Variants in DLGAP1 observed in about 807,000 individuals in gnomAD.
The protein encoded by DLGAP1 is disks large-associated protein 1.
A neutral mutation model predicts 90.8 loss-of-function variants in DLGAP1; 11 were observed. The observed-to-expected ratio is 0.12, with a 90% CI of 0.08 to 0.20. The LOEUF (loss-of-function observed/expected upper bound fraction) is 0.20, where lower values mean the gene tolerates loss of function less well. Among genes scored for constraint, DLGAP1 ranks in the 10% least tolerant of loss-of-function variants. The pLI is 1.00. For missense variants in DLGAP1, 1,050 were observed against 1,333.8 expected (o/e 0.79, Z 3.31); for synonymous variants, 558 against 540.7 (o/e 1.03, Z -0.44).
intron 7 of DLGAP1, among the ~76,000 whole-genome samples, chr18:3,693,405 A>G (rs1002827682): frequency 2.0e-5 from 3 of 152,294 alleles, no homozygotes; most frequent in South Asian, 2.1e-4. Context: ...CACAAACTAC[A>G]TCTTCTAACA....
intron 7 of DLGAP1, among the ~76,000 whole-genome samples, chr18:3,657,763 C>T (rs796499491): frequency 4.6e-5 from 7 of 152,020 alleles, no homozygotes; most frequent in East Asian, 1.9e-4. Context: ...CCACCGCACC[C>T]GGCTAATTTT....
intron 9 of DLGAP1, among the ~76,000 whole-genome samples, chr18:3,543,321 C>A (rs1350180217): frequency 6.6e-6 from 1 of 152,144 alleles, no homozygotes; most frequent in Non-Finnish European, 1.5e-5. Flanking sequence ...CAGGCGCCCA[C>A]CACCACGCCT....
chr18:3,994,096 G>A (rs1367047856), intron 3 of DLGAP1, among the ~76,000 whole-genome samples: 1 of 152,088 alleles, frequency 6.6e-6, no homozygotes, highest in East Asian at 1.9e-4. Flanking sequence ...AGTGGCCTGT[G>A]ACCCTCCCTT....
intron 2 of DLGAP1, among the ~76,000 whole-genome samples, chr18:4,022,697 A>T (rs2074634792): frequency 6.6e-6 from 1 of 152,196 alleles, no homozygotes; most frequent in Non-Finnish European, 1.5e-5. Context: ...TGTGGAGGGT[A>T]TATTTAGCAG....
intron 1 of DLGAP1, among the ~76,000 whole-genome samples, chr18:4,242,599 T>G (rs369366595): frequency 1.3e-5 from 2 of 152,072 alleles, no homozygotes; most frequent in South Asian, 2.1e-4. Context: ...TCAGAAACAT[T>G]TGCACACCTG....
chr18:4,093,582 T>TA (rs2075623203), intron 2 of DLGAP1, among the ~76,000 whole-genome samples: 1 of 101,624 alleles, frequency 9.8e-6, no homozygotes, highest in Non-Finnish European at 2.3e-5. Context: ...TAAACATTAA[T>TA]CAAAAAAAAA....
At chr18:3,606,874 G>C (rs2057350272) in intron 7 of DLGAP1, 1 of 151,624 alleles carries the variant, frequency 6.6e-6, no homozygotes, top group Non-Finnish European at 1.5e-5. Context: ...TTTCGGTCTT[G>C]TTTCCCAGGC....
chr18:3,613,777 A>G (rs1467688780), intron 7 of DLGAP1, among the ~76,000 whole-genome samples: 1 of 152,170 alleles, frequency 6.6e-6, no homozygotes, highest in Non-Finnish European at 1.5e-5. Context: ...GCTTCATTTT[A>G]TTACCATCTG....
intron 4 of DLGAP1, among the ~76,000 whole-genome samples, chr18:3,828,714 C>T (rs1318543890): frequency 6.8e-6 from 1 of 147,862 alleles, no homozygotes; most frequent in Non-Finnish European, 1.5e-5. Context: ...CAAGAACAAT[C>T]CCATCTTTTT....
intron 4 of DLGAP1, among the ~76,000 whole-genome samples, chr18:3,852,901 T>C (rs972933272): frequency 3.3e-5 from 5 of 152,078 alleles, no homozygotes; most frequent in African/African-American, 1.2e-4. Flanking sequence ...TTTTTAAGTT[T>C]ATTAAGAATT....
chr18:3,975,424 T>G (rs147225715), intron 3 of DLGAP1, among the ~76,000 whole-genome samples: 28 of 152,272 alleles, frequency 1.8e-4, no homozygotes, highest in African/African-American at 6.5e-4. Flanking sequence ...CCTGTTAGGA[T>G]GGTTATTATT....
chr18:4,304,629 C>T (rs1462055679), intron 1 of DLGAP1, among the ~76,000 whole-genome samples: 3 of 152,162 alleles, frequency 2.0e-5, no homozygotes, highest in Non-Finnish European at 1.5e-5. Context: ...TAAAATAATA[C>T]TAACTAAAAT....
chr18:4,033,200 A>T (rs7244451), intron 2 of DLGAP1, among the ~76,000 whole-genome samples: 56,187 of 151,832 alleles, frequency 0.37, 11,581 homozygotes, highest in Non-Finnish European at 0.48. Flanking sequence ...TTCATATGAT[A>T]TGATGTGTAA....
rs188760882 is a variant in DLGAP1 at position 3,572,561 on chromosome 18, T to C, written c.1966-4980A>G. On this transcript the variant is annotated intron_variant, in intron 8 of 12. Coordinates refer to ENST00000315677, the MANE Select transcript of DLGAP1 (RefSeq NM_004746.4). ...ACCCCCCAGGTTCAAGTGATTCTCC[T>C]GCCTCAGCCTCCCGAGTAGCTGGGA... Among the ~76,000 whole-genome samples, 1,032 of 152,240 alleles carry C rather than the reference T, an allele frequency of 6.8e-3. 10 individuals carry two copies. Among genetic ancestry groups the C allele is most frequent in the African/African-American group, 0.024 (993 of 41,524 alleles).
In DLGAP1 at chr18:3,944,653, T is replaced by G. The variant is rs73940351; in HGVS notation, c.-73+60463A>C. Reference sequence around the variant, plus strand: ...CAGATACCGCTTCTAGGAACCATGCTCATCCCTGGGTAAGAATTACTGCTG... The same window carrying G: ...CAGATACCGCTTCTAGGAACCATGCGCATCCCTGGGTAAGAATTACTGCTG... On this transcript the variant is annotated intron_variant, in intron 3 of 12. Transcript: ENST00000315677. Among the ~76,000 whole-genome samples the G allele has an allele frequency of 6.1e-3, 926 of 152,348 alleles. 9 individuals are homozygous for G. Among genetic ancestry groups the G allele is most frequent in the African/African-American group, 0.021 (858 of 41,576 alleles).
At chr18:3,680,746 G>T (rs929358222) in intron 7 of DLGAP1, among the ~76,000 whole-genome samples, 1 of 136,480 alleles carries the variant, frequency 7.3e-6, no homozygotes, top group Non-Finnish European at 1.5e-5. Flanking sequence ...CCGAGATCGC[G>T]CCACTGCACT....
At chr18:4,041,404 A>G (rs935625517) in intron 2 of DLGAP1, among the ~76,000 whole-genome samples, 1 of 152,242 alleles carries the variant, frequency 6.6e-6, no homozygotes, top group African/African-American at 2.4e-5. Flanking sequence ...TACAAAGTTA[A>G]GAAACATTTG....
intron 7 of DLGAP1, among the ~76,000 whole-genome samples, chr18:3,681,286 G>C (rs771015338): frequency 6.6e-6 from 1 of 152,158 alleles, no homozygotes; most frequent in Non-Finnish European, 1.5e-5. Context: ...ATAATAATTT[G>C]TGACCAGGAG....
At chr18:3,650,193 C>T (rs2146429512) in intron 7 of DLGAP1, among the ~76,000 whole-genome samples, 1 of 152,270 alleles carries the variant, frequency 6.6e-6, no homozygotes, top group Non-Finnish European at 1.5e-5. Context: ...CAGGCACCTG[C>T]CATCATGCCT....
Sources: allele counts gnomAD v4.1 joint callset (sites outside exome capture counted in the v4.1 genomes callset), GRCh38; gene constraint gnomAD v4.1.1; transcripts MANE v1.5; gene names NCBI Gene and HGNC (gene_info 2026-07-23, HGNC 2026-07-21).